Variants in SSBP3 observed in about 807,000 individuals in gnomAD.
SSBP3 encodes the protein single-stranded DNA-binding protein 3.
In SSBP3, 5 loss-of-function variants were observed where a neutral mutation model predicts 69.6. That is an observed-to-expected ratio of 0.07 (90% CI 0.04 to 0.15). The LOEUF (loss-of-function observed/expected upper bound fraction) is 0.15, where lower values mean the gene tolerates loss of function less well. Ranked by LOEUF, SSBP3 falls within the 10% of genes least tolerant of loss-of-function variation. The probability of loss-of-function intolerance (pLI) is 1.00; values close to 1 mark genes in which losing one functional copy is unlikely to be tolerated. For missense variants in SSBP3, 312 were observed against 534.0 expected, an observed-to-expected ratio of 0.58 and a Z score of 4.10; for synonymous variants, 196 against 193.4, an observed-to-expected ratio of 1.01 and a Z score of -0.11.
At chr1:54,398,299 T>C (rs372364115) in intron 4 of SSBP3, among the ~76,000 whole-genome samples, 13 of 152,188 alleles carry the variant, frequency 8.5e-5, no homozygotes, top group African/African-American at 1.2e-4. Flanking sequence ...GTACAGCAGG[T>C]ATGTGTAGTG....
intron 4 of SSBP3, among the ~76,000 whole-genome samples, chr1:54,395,190 G>A (rs1168639881): frequency 1.3e-5 from 2 of 152,132 alleles, no homozygotes; most frequent in Non-Finnish European, 2.9e-5. Flanking sequence ...AATGACACAG[G>A]ATTTCACAGC....
intron 4 of SSBP3, among the ~76,000 whole-genome samples, chr1:54,356,984 AG>A (rs1646879134): frequency 6.6e-6 from 1 of 152,168 alleles, no homozygotes; most frequent in South Asian, 2.1e-4. Flanking sequence ...CGCTGGGGGT[AG>A]AGCCCCTCAC....
At chr1:54,256,796 G>C (rs975134063) in intron 7 of SSBP3, among the ~76,000 whole-genome samples, 7 of 152,204 alleles carry the variant, frequency 4.6e-5, no homozygotes, top group African/African-American at 1.4e-4. Context: ...TTCCAAGAAG[G>C]GGGTAGAAGG....
intron 4 of SSBP3, among the ~76,000 whole-genome samples, chr1:54,352,946 G>A (rs1557556978): frequency 6.6e-6 from 1 of 152,190 alleles, no homozygotes; most frequent in South Asian, 2.1e-4. Flanking sequence ...GTGAGCCGAC[G>A]CCGGGCCCCT....
At chr1:54,261,004 G>A (rs1398901886) in intron 5 of SSBP3, among the ~76,000 whole-genome samples, 1 of 152,230 alleles carries the variant, frequency 6.6e-6, no homozygotes, top group South Asian at 2.1e-4. Context: ...TCTCGGCACA[G>A]AGCCAGACGC....
At chr1:54,315,034 G>A (rs987949931) in intron 4 of SSBP3, among the ~76,000 whole-genome samples, 5 of 152,144 alleles carry the variant, frequency 3.3e-5, no homozygotes, top group African/African-American at 7.2e-5. Flanking sequence ...AATTCCCCGC[G>A]TGTGATTCTG....
chr1:54,291,715 A>T (rs1252725521), intron 4 of SSBP3, among the ~76,000 whole-genome samples: 1 of 152,234 alleles, frequency 6.6e-6, no homozygotes, highest in East Asian at 1.9e-4. Flanking sequence ...CAGAGGGTTT[A>T]GCAAATAAAG....
At chr1:54,362,870 C>T (rs1040634162) in intron 4 of SSBP3, among the ~76,000 whole-genome samples, 2 of 152,098 alleles carry the variant, frequency 1.3e-5, no homozygotes, top group African/African-American at 4.8e-5. Context: ...TCCCAGATAA[C>T]GGCGAGGACA....
At chr1:54,225,682 G>A (rs1644274709) in exon 18 of SSBP3, 1 of 221,132 alleles carries the variant, frequency 4.5e-6, no homozygotes, top group Non-Finnish European at 8.8e-6. Context: ...CTACAGGGGA[G>A]GGAGGAAGGA....
chr1:54,287,263 T>C (rs1645508108), intron 4 of SSBP3: 1 of 152,138 alleles, frequency 6.6e-6, no homozygotes, highest in Admixed American at 6.5e-5. Context: ...GGCTGCAAAA[T>C]GGTACTTTGT....
chr1:54,289,247 A>C (rs979568202), intron 4 of SSBP3, among the ~76,000 whole-genome samples: 131 of 152,036 alleles, frequency 8.6e-4, no homozygotes, highest in Non-Finnish European at 1.7e-3. Context: ...TTTCTGACAA[A>C]TACTTCAATG....
At chr1:54,257,071 A>C (rs1054665718) in intron 7 of SSBP3, 56 bp downstream of exon 7, 17 of 1,544,274 alleles carry the variant, frequency 1.1e-5, no homozygotes, top group Non-Finnish European at 1.4e-5. Flanking sequence ...GTCAAAGTCC[A>C]CCTAGGGCCA....
intron 4 of SSBP3, among the ~76,000 whole-genome samples, chr1:54,381,382 C>CAA (rs59809996): frequency 0.12 from 7,917 of 68,608 alleles, 1,064 homozygotes; most frequent in Non-Finnish European, 0.16. Flanking sequence ...TACACCATCT[C>CAA]AAAAAAAAAA....
intron 5 of SSBP3, among the ~76,000 whole-genome samples, chr1:54,262,808 T>G (rs1036727103): frequency 3.3e-5 from 5 of 152,172 alleles, no homozygotes; most frequent in African/African-American, 9.7e-5. Context: ...TGCAGGGTGA[T>G]GGCAGCAGGA....
intron 13 of SSBP3, among the ~76,000 whole-genome samples, chr1:54,240,107 T>TGTGTGTGTGTGTGA (rs1553123256): frequency 7.4e-6 from 1 of 134,574 alleles, no homozygotes; most frequent in African/African-American, 3.0e-5. Context: ...CGCGTGTGCG[T>TGTGTGTGTGTGTGA]GCGCGCGCGC....
chr1:54,288,279 G>A (rs758719324), intron 4 of SSBP3, among the ~76,000 whole-genome samples: 2 of 152,194 alleles, frequency 1.3e-5, no homozygotes, highest in Non-Finnish European at 2.9e-5. Flanking sequence ...CCTACTGTGT[G>A]ATCTGATCAG....
At chr1:54,384,476 G>A (rs549803670) in intron 4 of SSBP3, among the ~76,000 whole-genome samples, 2 of 152,348 alleles carry the variant, frequency 1.3e-5, no homozygotes, top group South Asian at 2.1e-4. Flanking sequence ...TCCACCAAGC[G>A]TCAGGGCCTC....
At chr1:54,391,951 A>G (rs1486444647) in intron 4 of SSBP3, among the ~76,000 whole-genome samples, 1 of 151,776 alleles carries the variant, frequency 6.6e-6, no homozygotes, top group Non-Finnish European at 1.5e-5. Flanking sequence ...CAGGCTGCAA[A>G]CTCCTCCAGC....
intron 7 of SSBP3, among the ~76,000 whole-genome samples, chr1:54,253,652 G>A (rs1205689564): frequency 3.9e-5 from 6 of 152,184 alleles, no homozygotes; most frequent in Non-Finnish European, 7.3e-5. Flanking sequence ...GCTGGTTTGC[G>A]TCTGCCCACT....
Sources: allele counts gnomAD v4.1 joint callset (sites outside exome capture counted in the v4.1 genomes callset), GRCh38; gene constraint gnomAD v4.1.1; transcripts MANE v1.5; gene names NCBI Gene and HGNC (gene_info 2026-07-23, HGNC 2026-07-21).